The following VAV3 variants were observed in gnomAD, a reference collection of about 807,000 sequenced individuals.
VAV3 encodes vav guanine nucleotide exchange factor 3, also known as guanine nucleotide exchange factor VAV3.
VAV3 carries 94 observed loss-of-function variants against 131.2 expected under a neutral mutation model. The ratio of observed to expected loss-of-function variants is 0.72; its 90% CI spans 0.61 to 0.85. The LOEUF is 0.85. Among genes scored for constraint, VAV3 ranks in the 40% least tolerant of loss-of-function variants. The probability of loss-of-function intolerance (pLI) is 0.00; values close to 1 mark genes in which losing one functional copy is unlikely to be tolerated. For missense variants in VAV3, 939 were observed against 1,002.7 expected, an observed-to-expected ratio of 0.94 and a Z score of 0.86; for synonymous variants, 349 against 342.0, an observed-to-expected ratio of 1.02 and a Z score of -0.22.
intron 17 of VAV3, among the ~76,000 whole-genome samples, chr1:107,698,237 T>C (rs1445126822): frequency 6.6e-6 from 1 of 152,224 alleles, no homozygotes; most frequent in Non-Finnish European, 1.5e-5. Flanking sequence ...GAAAGTCACA[T>C]GCATTCCGTA....
chr1:107,729,553 G>A (rs943005577), intron 15 of VAV3, among the ~76,000 whole-genome samples: 5 of 152,306 alleles, frequency 3.3e-5, no homozygotes, highest in East Asian at 3.9e-4. Flanking sequence ...ACGACATGGT[G>A]CACTGAAGGG....
At chr1:107,623,711 C>T (rs1051101115) in intron 20 of VAV3, among the ~76,000 whole-genome samples, 2 of 152,158 alleles carry the variant, frequency 1.3e-5, no homozygotes, top group Admixed American at 1.3e-4. Context: ...ACCATTAATT[C>T]CAAAATACTC....
intron 1 of VAV3, among the ~76,000 whole-genome samples, chr1:107,935,909 C>A (rs557437514): frequency 5.8e-4 from 88 of 152,232 alleles, no homozygotes; most frequent in African/African-American, 2.0e-3. Context: ...CTGAACTACA[C>A]CGATGACAGA....
At chr1:107,576,398 A>G in intron 25 of VAV3, 1 of 1,521,498 alleles carries the variant, frequency 6.6e-7, no homozygotes, top group East Asian at 2.5e-5. Context: ...GTACCTGACC[A>G]GAAAGGAGTG....
intron 2 of VAV3, among the ~76,000 whole-genome samples, chr1:107,835,156 C>T (rs1185699331): frequency 6.6e-6 from 1 of 152,166 alleles, no homozygotes; most frequent in Non-Finnish European, 1.5e-5. Flanking sequence ...GTACTGCATG[C>T]TCCCCTGTCC....
chr1:107,900,307 G>C (rs528044349), intron 1 of VAV3, among the ~76,000 whole-genome samples: 19 of 152,242 alleles, frequency 1.2e-4, no homozygotes, highest in Admixed American at 1.2e-3. Context: ...CACGTCAGGA[G>C]GAAGTTACCT....
At chr1:107,824,992 A>G (rs1667949873) in intron 2 of VAV3, among the ~76,000 whole-genome samples, 1 of 152,134 alleles carries the variant, frequency 6.6e-6, no homozygotes, top group Non-Finnish European at 1.5e-5. Flanking sequence ...CTCTAAACTA[A>G]AAGTCAGTAA....
chr1:107,769,181 A>G (rs544848330), intron 6 of VAV3, among the ~76,000 whole-genome samples: 3 of 152,242 alleles, frequency 2.0e-5, no homozygotes, highest in Admixed American at 2.0e-4. Flanking sequence ...TCATATCCTC[A>G]TTTCCCTCCT....
chr1:107,907,636 C>G (rs555218251), intron 1 of VAV3, among the ~76,000 whole-genome samples: 417 of 152,046 alleles, frequency 2.7e-3, no homozygotes, highest in African/African-American at 9.7e-3. Context: ...CAAATCTGAC[C>G]CCTCTTGCTC....
chr1:107,735,527 C>T (rs1662561947), intron 15 of VAV3, among the ~76,000 whole-genome samples: 2 of 152,042 alleles, frequency 1.3e-5, no homozygotes, highest in South Asian at 4.1e-4. Context: ...AAGGGGATAT[C>T]ACCACCGATC....
rs140963471 is a variant in VAV3, at chr1:107,732,470, G to A, written c.1502+16498C>T. 6.4e-3 allele frequency among the ~76,000 whole-genome samples: 968 copies of A among 152,290 alleles called. 9 individuals are homozygous for A. Among genetic ancestry groups the A allele is most frequent in the African/African-American group, 0.022 (908 of 41,558 alleles). On this transcript the variant is annotated intron_variant, in intron 15 of 26. Coordinates refer to ENST00000370056, the MANE Select transcript of VAV3 (RefSeq NM_006113.5). The stretch of plus-strand genomic sequence containing the variant: ...TTCCCTTTCCTAGCCAAGGGAAGCC[G>A]TGACAGACTATACCAGGAAAATCGG...
chr1:107,794,612 T>C (rs1438837441), intron 2 of VAV3, among the ~76,000 whole-genome samples: 1 of 152,200 alleles, frequency 6.6e-6, no homozygotes, highest in Non-Finnish European at 1.5e-5. Flanking sequence ...TTTGAAACTG[T>C]GATAAAATCT....
intron 15 of VAV3, among the ~76,000 whole-genome samples, chr1:107,736,791 A>G (rs1405383114): frequency 6.6e-6 from 1 of 152,196 alleles, no homozygotes; most frequent in Non-Finnish European, 1.5e-5. Context: ...AAGGTAATTT[A>G]TAGATTCAAT....
At chr1:107,903,449 G>A (rs1671962301) in intron 1 of VAV3, among the ~76,000 whole-genome samples, 1 of 152,146 alleles carries the variant, frequency 6.6e-6, no homozygotes, top group Non-Finnish European at 1.5e-5. Flanking sequence ...GAATATGAGG[G>A]CTGTGGCAGC....
chr1:107,848,995 C>T (rs1385757025), intron 2 of VAV3, among the ~76,000 whole-genome samples: 1 of 151,956 alleles, frequency 6.6e-6, no homozygotes, highest in East Asian at 1.9e-4. Context: ...GAATAAAATA[C>T]CTAGGAATCC....
chr1:107,899,607 T>C (rs1671764184), intron 1 of VAV3, among the ~76,000 whole-genome samples: 1 of 152,260 alleles, frequency 6.6e-6, no homozygotes, highest in Admixed American at 6.5e-5. Flanking sequence ...ATGAATTCAT[T>C]GGAATTTTCT....
chr1:107,632,136 T>C (rs1449646545), intron 20 of VAV3, among the ~76,000 whole-genome samples: 2 of 152,186 alleles, frequency 1.3e-5, no homozygotes, highest in African/African-American at 4.8e-5. Flanking sequence ...CTACGTTTAA[T>C]AATACCAATT....
chr1:107,958,739 T>C (rs1213509899), intron 1 of VAV3, among the ~76,000 whole-genome samples: 1 of 152,216 alleles, frequency 6.6e-6, no homozygotes, highest in Non-Finnish European at 1.5e-5. Context: ...CAACCCGTCA[T>C]CTACGTTAGG....
intron 24 of VAV3, among the ~76,000 whole-genome samples, chr1:107,601,540 G>A (rs1489338117): frequency 1.3e-5 from 2 of 152,160 alleles, no homozygotes; most frequent in Non-Finnish European, 2.9e-5. Context: ...CATTCAATGA[G>A]TGGTCCTTCC....
Sources: gnomAD v4.1 joint callset for allele counts (sites outside exome capture counted in the v4.1 genomes callset) on GRCh38, gnomAD v4.1.1 for gene constraint, MANE v1.5 for transcripts, NCBI Gene and HGNC (gene_info 2026-07-23, HGNC 2026-07-21) for gene names.